Variants in KIF4A observed in about 807,000 individuals in gnomAD.
The protein encoded by KIF4A is chromosome-associated kinesin KIF4A.
A neutral mutation model predicts 105.9 loss-of-function variants in KIF4A; 7 were observed. That is an observed-to-expected ratio of 0.07 (90% CI 0.04 to 0.12). The LOEUF (loss-of-function observed/expected upper bound fraction) is 0.12, where lower values mean the gene tolerates loss of function less well. Among genes scored for constraint, KIF4A ranks in the 10% least tolerant of loss-of-function variants. The probability of loss-of-function intolerance (pLI) is 1.00; values close to 1 mark genes in which losing one functional copy is unlikely to be tolerated. For missense variants in KIF4A, 558 were observed against 929.2 expected, an observed-to-expected ratio of 0.60 and a Z score of 5.19; for synonymous variants, 281 against 331.3, an observed-to-expected ratio of 0.85 and a Z score of 1.65.
intron 28 of KIF4A, among the ~76,000 whole-genome samples, chrX:70,409,155 G>A (rs1257710361): frequency 7.2e-5 from 8 of 111,311 alleles, no homozygotes; most frequent in Non-Finnish European, 1.1e-4. Flanking sequence ...ATGAGCCACC[G>A]TGCAAGTTTT....
intron 22 of KIF4A, chrX:70,396,300 T>C (rs190798278): frequency 4.3e-6 from 1 of 234,014 alleles, no homozygotes; most frequent in Non-Finnish European, 7.6e-6. Context: ...TGGAAGTGGG[T>C]TATCAGAACT....
intron 15 of KIF4A, among the ~76,000 whole-genome samples, chrX:70,367,409 T>C (rs189535611): frequency 8.9e-6 from 1 of 111,982 alleles, no homozygotes; most frequent in African/African-American, 3.2e-5. Flanking sequence ...TTTCCATGTT[T>C]AGTGCTTCCT....
chrX:70,312,898 T>G (rs1195636155), intron 7 of KIF4A, among the ~76,000 whole-genome samples: 1 of 112,352 alleles, frequency 8.9e-6, no homozygotes, highest in Non-Finnish European at 1.9e-5. Context: ...CCTTTTATTG[T>G]CAATTTCTAA....
intron 18 of KIF4A, among the ~76,000 whole-genome samples, chrX:70,379,524 C>T (rs1030500713): frequency 8.9e-5 from 10 of 111,733 alleles, no homozygotes; most frequent in African/African-American, 3.3e-4. Context: ...GGTGCTGTGG[C>T]TCATGCCTGT....
chrX:70,405,861 G>A lies in KIF4A; in HGVS notation c.2932G>A (p.Glu978Lys), dbSNP rs1049285117. The A allele has an allele frequency of 2.5e-6, 3 of 1,207,437 alleles. No individual in the cohort carries two copies. Among genetic ancestry groups the A allele is most frequent in the Non-Finnish European group, 3.4e-6 (3 of 893,413 alleles). The stretch of plus-strand genomic sequence containing the variant: ...ACTTGAGAAAATGCGAGAAGTGTGT[G>A]AGCAAAATCAGCAGCTTCTCCGAGA... The part of the protein sequence containing the change: ...EELEKMREVC[E>K]QNQQLLRENE... Residue 978 changes from glutamate (E) to lysine (K), a missense_variant, in exon 26 of 31, where the codon GAG (glutamate) becomes AAG (lysine). This residue lies in a region of KIF4A where 469 missense variants were observed against 680.4 expected (regional missense o/e 0.69). Transcript: ENST00000374403.
intron 29 of KIF4A, 75 bp from the exon 30 acceptor site, chrX:70,419,586 T>C (rs2086358170): frequency 8.7e-7 from 1 of 1,151,618 alleles, no homozygotes; most frequent in Admixed American, 2.2e-5. Flanking sequence ...GTTACCTCTT[T>C]GGTTGAATGG....
chrX:70,321,665 A>G (rs949274722), intron 7 of KIF4A, among the ~76,000 whole-genome samples: 1 of 111,767 alleles, frequency 8.9e-6, no homozygotes, highest in Non-Finnish European at 1.9e-5. Context: ...TTCTGCCCTC[A>G]GCATAGAAGC....
intron 15 of KIF4A, among the ~76,000 whole-genome samples, chrX:70,370,952 A>AG (rs1352659229): frequency 9.2e-6 from 1 of 108,339 alleles, no homozygotes; most frequent in Non-Finnish European, 1.9e-5. Context: ...AAAAAAAAAA[A>AG]AGCAAGGTAA....
chrX:70,371,094 A>G (rs1188505871), intron 15 of KIF4A, among the ~76,000 whole-genome samples: 1 of 110,761 alleles, frequency 9.0e-6, no homozygotes, highest in Non-Finnish European at 1.9e-5. Context: ...GTGTCAGTCT[A>G]ATACTGGTCT....
chrX:70,333,692 AAG>A lies in KIF4A; in HGVS notation c.1133+6_1133+7del, dbSNP rs1431910223. On this transcript the variant is annotated splice_donor_5th_base_variant and intron_variant, in intron 10 of 30. Coordinates refer to ENST00000374403, the MANE Select transcript of KIF4A (RefSeq NM_012310.5). ...GGTACCCTGCCTGGATCTATAACGT[AAG>A]AGTCATAGATTAATTTGAATTGTGT... 1 of 1,132,406 alleles carries A rather than the reference AAG, an allele frequency of 8.8e-7. No homozygotes were observed. The highest frequency in any genetic ancestry group is 1.8e-5 in the African/African-American group (1 of 56,209). 93.3% of individuals were successfully genotyped at this position (1,132,406 alleles called of 1,213,427 possible).
Position 70,353,774 on chromosome X carries a change from C to T in KIF4A, c.1641C>T (p.Asp547=). The T allele has an allele frequency of 8.4e-7, 1 of 1,193,130 alleles. No homozygotes were observed. The highest frequency in any genetic ancestry group is 1.7e-5 in the African/African-American group (1 of 57,424). The change falls in exon 15 of 31, where the codon GAC becomes GAT. Residue 547 remains aspartate (D), a synonymous_variant. Transcript: ENST00000374403. ...EALARKMTQN[D]SQLQPIQYQY... Reference sequence around the variant, plus strand: ...TGGCTAGGAAGATGACTCAGAATGACAGCCAACTGCAGCCCATTCAGTACC... The same window carrying T: ...TGGCTAGGAAGATGACTCAGAATGATAGCCAACTGCAGCCCATTCAGTACC...
chrX:70,376,879 A>G (rs1367611106), intron 18 of KIF4A, among the ~76,000 whole-genome samples: 1 of 111,973 alleles, frequency 8.9e-6, no homozygotes, highest in Non-Finnish European at 1.9e-5. Context: ...AATAATGTAT[A>G]GAGCAAACTG....
In KIF4A at chrX:70,343,712, G is replaced by T. The variant is rs145983282; in HGVS notation, c.1276G>T (p.Ala426Ser). Residue 426 changes from alanine (A) to serine (S), a missense_variant, in exon 12 of 31, where the codon GCG becomes TCG. By Grantham distance (99) the Ala-to-Ser change is moderately conservative (BLOSUM62 1). This residue lies in a region of KIF4A where 469 missense variants were observed against 680.4 expected (regional missense o/e 0.69). Coordinates refer to ENST00000374403, the MANE Select transcript of KIF4A (RefSeq NM_012310.5). ...TGGGTCTTTGTTGCAGACAGAGCAA[G>T]CGAATGAAAAAATGAACGCCAAGCT... ...MLERIILTEQANEKMNAKLEE... is the reference protein window; with the variant it reads ...MLERIILTEQSNEKMNAKLEE... The T allele has an allele frequency of 1.0e-3, 1,217 of 1,209,912 alleles. 7 individuals are homozygous for T. The African/African-American group carries it at 0.019, about 19-fold the overall frequency.
chrX:70,302,199 T>A (rs2085806950), intron 6 of KIF4A, 105 bp from the exon 7 acceptor site: 6 of 1,088,050 alleles, frequency 5.5e-6, no homozygotes, highest in Admixed American at 5.2e-5. Flanking sequence ...ATGGAGCCAT[T>A]TTGACTGACT....
intron 7 of KIF4A, among the ~76,000 whole-genome samples, chrX:70,324,301 C>T (rs1236807894): frequency 8.9e-6 from 1 of 112,021 alleles, no homozygotes; most frequent in Admixed American, 9.5e-5. Flanking sequence ...TTATCTGTTT[C>T]CCCCATTAGA....
At chrX:70,365,851 C>T (rs1166400843) in intron 15 of KIF4A, among the ~76,000 whole-genome samples, 6 of 111,518 alleles carry the variant, frequency 5.4e-5, no homozygotes, top group Admixed American at 3.8e-4. Flanking sequence ...TGGTAGAATT[C>T]GGCTGTGAAT....
chrX:70,352,569 T>C, intron 13 of KIF4A, 31 bp from the exon 14 acceptor site: 1 of 1,150,851 alleles, frequency 8.7e-7, no homozygotes, highest in East Asian at 3.0e-5. Flanking sequence ...CTTCAGACTC[T>C]TTCCCTAAAC....
Position 70,395,841 on chromosome X carries a change from G to GA in KIF4A, c.2388+21dup, listed in dbSNP as rs1415726535. The GA allele has an allele frequency of 6.6e-6, 8 of 1,209,348 alleles. No homozygotes were observed. In the Admixed American group the frequency reaches 1.1e-4, roughly 17 times the overall value. On this transcript the variant is annotated intron_variant, in intron 21 of 30. Coordinates refer to ENST00000374403, the MANE Select transcript of KIF4A (RefSeq NM_012310.5). ...CTAAACTCCGGGTAAGTACGCTTATGAAAAAATGTTGCCAATAATCAGACT... is the reference window on the plus strand; with the variant it reads ...CTAAACTCCGGGTAAGTACGCTTATGAAAAAAATGTTGCCAATAATCAGACT...
intron 29 of KIF4A, among the ~76,000 whole-genome samples, chrX:70,419,084 CA>C (rs1157047497): frequency 0.03 from 1,701 of 56,885 alleles, 25 homozygotes; most frequent in African/African-American, 0.086. Context: ...GACTCCATCT[CA>C]AAAAAAAAAA....
Sources: gnomAD v4.1 joint callset for allele counts (sites outside exome capture counted in the v4.1 genomes callset) on GRCh38, gnomAD v4.1.1 for gene constraint, gnomAD v4.1.1 regional missense constraint, MANE v1.5 for transcripts, NCBI Gene and HGNC (gene_info 2026-07-23, HGNC 2026-07-21) for gene names.